CNTNAP2: variants seen among roughly 807,000 people sequenced by gnomAD.
The protein encoded by CNTNAP2 is contactin associated protein 2.
In CNTNAP2, 98 loss-of-function variants were observed where a neutral mutation model predicts 155.2. The ratio of observed to expected loss-of-function variants is 0.63; its 90% CI spans 0.54 to 0.75. The LOEUF (loss-of-function observed/expected upper bound fraction) is 0.75, where lower values mean the gene tolerates loss of function less well. Among genes scored for constraint, CNTNAP2 ranks in the 30% least tolerant of loss-of-function variants. CNTNAP2 has a pLI of 0.00. For missense variants in CNTNAP2, 1,727 were observed against 1,688.1 expected (o/e 1.02, Z -0.40); for synonymous variants, 651 against 631.2 (o/e 1.03, Z -0.47).
intron 1 of CNTNAP2, among the ~76,000 whole-genome samples, chr7:146,582,182 A>G (rs1047257970): frequency 6.6e-6 from 1 of 152,186 alleles, no homozygotes; most frequent in African/African-American, 2.4e-5. Context: ...GACTTCAAGA[A>G]AAGGTTTCCC....
At chr7:146,175,421 C>T (rs1798456287) in intron 1 of CNTNAP2, among the ~76,000 whole-genome samples, 1 of 152,058 alleles carries the variant, frequency 6.6e-6, no homozygotes, top group Admixed American at 6.6e-5. Flanking sequence ...TTTAACAAGG[C>T]CATATTGTAA....
chr7:146,693,794 G>C (rs1282113987), intron 1 of CNTNAP2, among the ~76,000 whole-genome samples: 2 of 152,086 alleles, frequency 1.3e-5, no homozygotes, highest in Admixed American at 1.3e-4. Flanking sequence ...ATGTAAACGT[G>C]TGCCATGGTG....
intron 1 of CNTNAP2, among the ~76,000 whole-genome samples, chr7:146,264,809 A>G (rs1563013916): frequency 6.6e-6 from 1 of 152,234 alleles, no homozygotes; most frequent in African/African-American, 2.4e-5. Flanking sequence ...GGTGATAGCC[A>G]TTCAAAGCAG....
intron 4 of CNTNAP2, among the ~76,000 whole-genome samples, chr7:147,104,303 T>C (rs1363925688): frequency 6.6e-6 from 1 of 152,050 alleles, no homozygotes; most frequent in Non-Finnish European, 1.5e-5. Context: ...GGTACATTTT[T>C]AGCTAATCAA....
chr7:147,015,665 T>C (rs1469409097), intron 3 of CNTNAP2, among the ~76,000 whole-genome samples: 1 of 152,146 alleles, frequency 6.6e-6, no homozygotes, highest in East Asian at 1.9e-4. Context: ...TGTATCAATA[T>C]GTAAATTTCA....
chr7:146,637,509 T>C (rs1799619100), intron 1 of CNTNAP2, among the ~76,000 whole-genome samples: 2 of 152,230 alleles, frequency 1.3e-5, no homozygotes, highest in South Asian at 4.1e-4. Flanking sequence ...TTCACTTCAA[T>C]AGTTATGTGC....
intron 21 of CNTNAP2, among the ~76,000 whole-genome samples, chr7:148,365,698 GTATACTTTTA>G (rs377102769): frequency 8.1e-6 from 1 of 123,826 alleles, no homozygotes; most frequent in African/African-American, 2.9e-5. Context: ...ATGTATATAT[GTATACTTTTA>G]TATATATGTA....
intron 12 of CNTNAP2, among the ~76,000 whole-genome samples, chr7:147,585,498 A>G (rs1800601182): frequency 6.7e-6 from 1 of 149,962 alleles, no homozygotes; most frequent in Non-Finnish European, 1.5e-5. Context: ...AGATATATAG[A>G]TCTATTAATA....
chr7:146,995,201 G>T (rs1031199688), intron 3 of CNTNAP2, among the ~76,000 whole-genome samples: 2 of 151,874 alleles, frequency 1.3e-5, no homozygotes, highest in Non-Finnish European at 2.9e-5. Flanking sequence ...GTATTCCATT[G>T]TGTATATATA....
intron 1 of CNTNAP2, among the ~76,000 whole-genome samples, chr7:146,501,458 A>C (rs951527691): frequency 1.3e-5 from 2 of 152,046 alleles, no homozygotes; most frequent in East Asian, 1.9e-4. Context: ...GTGTCTTCCT[A>C]GGAATTTGCC....
intron 22 of CNTNAP2, among the ~76,000 whole-genome samples, chr7:148,396,258 G>A (rs1426052773): frequency 1.3e-5 from 2 of 152,152 alleles, no homozygotes; most frequent in East Asian, 1.9e-4. Context: ...AAAGGGAGGC[G>A]AGTTGAGCTC....
chr7:148,265,708 AACCTACTGT>A (rs1796657221), intron 20 of CNTNAP2, among the ~76,000 whole-genome samples: 1 of 152,188 alleles, frequency 6.6e-6, no homozygotes, highest in Non-Finnish European at 1.5e-5. Context: ...CATGCACAAA[AACCTACTGT>A]ACCAGTTCTG....
intron 13 of CNTNAP2, among the ~76,000 whole-genome samples, chr7:147,861,083 A>AACCAC (rs1420306465): frequency 6.6e-6 from 1 of 152,188 alleles, no homozygotes; most frequent in Non-Finnish European, 1.5e-5. Context: ...TTTCTATGTC[A>AACCAC]ACCACACTTC....
intron 3 of CNTNAP2, among the ~76,000 whole-genome samples, chr7:146,867,980 C>G (rs1795237898): frequency 6.6e-6 from 1 of 151,342 alleles, no homozygotes; most frequent in Non-Finnish European, 1.5e-5. Context: ...TGTCTGTTTA[C>G]TCTGTTGATA....
At chr7:146,612,954 A>C (rs1297452111) in intron 1 of CNTNAP2, among the ~76,000 whole-genome samples, 1 of 148,566 alleles carries the variant, frequency 6.7e-6, no homozygotes, top group Non-Finnish European at 1.5e-5. Flanking sequence ...TTTTGCCACA[A>C]ACTCTTTTGT....
At chr7:146,376,234 G>A (rs1795301166) in intron 1 of CNTNAP2, among the ~76,000 whole-genome samples, 1 of 151,956 alleles carries the variant, frequency 6.6e-6, no homozygotes, top group Admixed American at 6.6e-5. Context: ...GGATACAATG[G>A]GGAAAAAAAT....
At chr7:146,711,135 T>C (rs200114382) in intron 1 of CNTNAP2, among the ~76,000 whole-genome samples, 1 of 150,916 alleles carries the variant, frequency 6.6e-6, no homozygotes, top group East Asian at 2.0e-4. Flanking sequence ...CACACACACA[T>C]ATATGTGTGT....
intron 15 of CNTNAP2, among the ~76,000 whole-genome samples, chr7:147,990,531 C>T (rs1458505397): frequency 1.3e-5 from 2 of 151,820 alleles, no homozygotes; most frequent in African/African-American, 4.8e-5. Context: ...GCCTCTCTGG[C>T]CAGAGGGGAG....
intron 1 of CNTNAP2, among the ~76,000 whole-genome samples, chr7:146,378,859 G>GCT (rs1795342002): frequency 6.6e-6 from 1 of 152,208 alleles, no homozygotes; most frequent in African/African-American, 2.4e-5. Context: ...CTGAAGCAAA[G>GCT]TAATCATTTT....
Sources: gnomAD v4.1 joint callset for allele counts (sites outside exome capture counted in the v4.1 genomes callset) on GRCh38, gnomAD v4.1.1 for gene constraint, MANE v1.5 for transcripts, NCBI Gene and HGNC (gene_info 2026-07-23, HGNC 2026-07-21) for gene names.